Variants in CACNA1C observed in about 807,000 individuals in gnomAD.
The protein encoded by CACNA1C is calcium voltage-gated channel subunit alpha1 C.
CACNA1C carries 30 observed loss-of-function variants against 229.0 expected under a neutral mutation model. That is an observed-to-expected ratio of 0.13 (90% confidence interval 0.10 to 0.18). The LOEUF (loss-of-function observed/expected upper bound fraction) is 0.18. CACNA1C is among the 10% of genes least tolerant of loss of function. CACNA1C has a pLI of 1.00. For missense variants in CACNA1C, 1,658 were observed against 2,845.0 expected (o/e 0.58, Z 9.49); for synonymous variants, 1,114 against 1,132.5 (o/e 0.98, Z 0.33).
chr12:2,543,729 C>T (rs568425243), intron 9 of CACNA1C, among the ~76,000 whole-genome samples: 1 of 152,314 alleles, frequency 6.6e-6, no homozygotes, highest in Non-Finnish European at 1.5e-5. Context: ...TTTAGTTGCT[C>T]TTCAGATCAT....
intron 34 of CACNA1C, among the ~76,000 whole-genome samples, chr12:2,656,196 A>G (rs1276153888): frequency 6.6e-6 from 1 of 152,238 alleles, no homozygotes; most frequent in Non-Finnish European, 1.5e-5. Context: ...AGAAAATCCT[A>G]AAGACCACCA....
rs559307839 is a variant in CACNA1C, at chr12:2,164,542, C to G, written c.477+44112C>G. 1.6e-3 allele frequency among the ~76,000 whole-genome samples: 242 copies of G among 152,350 alleles called. 2 individuals are homozygous for G. Among genetic ancestry groups the G allele is most frequent in the Middle Eastern group, 0.014 (4 of 294 alleles). ...GCCTTTACCTGTCTCTCTCTGCTCC[C>G]CATATTGCAGCCTGGTAAGCTGTTG... On this transcript the variant is annotated intron_variant, in intron 3 of 46. Coordinates refer to ENST00000399655, the MANE Select transcript of CACNA1C (RefSeq NM_000719.7).
chr12:2,075,347 T>G (rs1477494631), intron 1 of CACNA1C, among the ~76,000 whole-genome samples: 1 of 152,214 alleles, frequency 6.6e-6, no homozygotes, highest in Admixed American at 6.5e-5. Flanking sequence ...CTATCTTGTT[T>G]AATCTTCCCC....
chr12:2,060,752 C>T (rs901150489), intron 1 of CACNA1C, among the ~76,000 whole-genome samples: 11 of 152,218 alleles, frequency 7.2e-5, no homozygotes, highest in African/African-American at 2.7e-4. Context: ...CACTCGGCTA[C>T]ACTTGGTGTT....
At chr12:2,211,822 G>T (rs1327338925) in intron 3 of CACNA1C, among the ~76,000 whole-genome samples, 2 of 149,810 alleles carry the variant, frequency 1.3e-5, no homozygotes, top group Admixed American at 6.7e-5. Context: ...AGGTTCAAGC[G>T]ATTCTCCTGC....
At chr12:2,288,371 A>G (rs1278162928) in intron 3 of CACNA1C, among the ~76,000 whole-genome samples, 4 of 152,116 alleles carry the variant, frequency 2.6e-5, no homozygotes, top group Non-Finnish European at 4.4e-5. Flanking sequence ...TCAGGAACCA[A>G]TCAACCAGCT....
chr12:2,621,076 G>A (rs2082975371), intron 29 of CACNA1C, among the ~76,000 whole-genome samples: 1 of 152,188 alleles, frequency 6.6e-6, no homozygotes, highest in African/African-American at 2.4e-5. Context: ...GCACCCCTCT[G>A]TAACTTCCAC....
intron 1 of CACNA1C, among the ~76,000 whole-genome samples, chr12:2,102,091 G>A (rs2076641948): frequency 6.6e-6 from 1 of 152,174 alleles, no homozygotes. Flanking sequence ...TGCTTCCTGG[G>A]ACTTCCCTCC....
chr12:2,557,558 G>A (rs1027109962), intron 11 of CACNA1C, among the ~76,000 whole-genome samples: 7 of 152,272 alleles, frequency 4.6e-5, no homozygotes, highest in African/African-American at 1.7e-4. Flanking sequence ...GCACACTGAG[G>A]CCCCTGCATG....
chr12:2,337,264 A>G (rs1360150885), intron 3 of CACNA1C, among the ~76,000 whole-genome samples: 1 of 152,236 alleles, frequency 6.6e-6, no homozygotes, highest in Non-Finnish European at 1.5e-5. Context: ...GTGAGCATTC[A>G]GGGTAAACCT....
chr12:2,182,784 G>A (rs984016750), intron 3 of CACNA1C, among the ~76,000 whole-genome samples: 8 of 152,128 alleles, frequency 5.3e-5, no homozygotes, highest in South Asian at 4.1e-4. Flanking sequence ...CTGTGATGAC[G>A]GCCATCCTGA....
intron 6 of CACNA1C, among the ~76,000 whole-genome samples, chr12:2,492,460 C>A (rs2099737578): frequency 6.6e-6 from 1 of 152,202 alleles, no homozygotes; most frequent in African/African-American, 2.4e-5. Context: ...TGCTGCAGAG[C>A]AAAGGGCAGA....
At chr12:2,550,055 A>G in intron 10 of CACNA1C, 22 bp downstream of exon 10, 1 of 1,531,844 alleles carries the variant, frequency 6.5e-7, no homozygotes, top group Admixed American at 1.8e-5. Flanking sequence ...CGGCGAGCCC[A>G]GGGGCTGGGG....
At chr12:2,470,991 CT>C (rs1408375349) in intron 5 of CACNA1C, among the ~76,000 whole-genome samples, 3 of 152,174 alleles carry the variant, frequency 2.0e-5, no homozygotes, top group Non-Finnish European at 2.9e-5. Flanking sequence ...GCCACCACGC[CT>C]GGCTAATTTT....
chr12:2,581,482 T>C lies in CACNA1C; in HGVS notation c.1896-108T>C. ...CCCCCACGGGCAGGGAAAAAGAGCATAGAGTGGCAGCTCCTCTGAGAACCT... is the reference window on the plus strand; with the variant it reads ...CCCCCACGGGCAGGGAAAAAGAGCACAGAGTGGCAGCTCCTCTGAGAACCT... On this transcript the variant is annotated intron_variant, in intron 13 of 46. Transcript: ENST00000399655. The C allele has an allele frequency of 3.9e-6, 4 of 1,013,714 alleles. No individual in the cohort carries two copies. The South Asian group carries it at 5.4e-5, about 14-fold the overall frequency. The allele number at this position is 1,013,714 out of a possible 1,614,324, so 62.8% of individuals were successfully genotyped here.
intron 3 of CACNA1C, among the ~76,000 whole-genome samples, chr12:2,163,445 T>G (rs1178346536): frequency 6.6e-6 from 1 of 152,130 alleles, no homozygotes; most frequent in East Asian, 1.9e-4. Flanking sequence ...GCTCCTTTTT[T>G]TTTTCTGTCA....
rs532590160 is a variant in CACNA1C, at chr12:2,323,968, G to T, written c.478-125008G>T. On this transcript the variant is annotated intron_variant, in intron 3 of 46. Transcript: ENST00000399655. Reference sequence around the variant, plus strand: ...AGGGCATGGAGAAGATGAAATCTGAGTCCTTCCATTCCAGTTCTCCATCGC... The same window carrying T: ...AGGGCATGGAGAAGATGAAATCTGATTCCTTCCATTCCAGTTCTCCATCGC... 6.6e-5 allele frequency among the ~76,000 whole-genome samples: 10 copies of T among 152,328 alleles called. No homozygotes were observed. In the East Asian group the frequency reaches 1.4e-3, roughly 21 times the overall value.
intron 1 of CACNA1C, among the ~76,000 whole-genome samples, chr12:2,100,905 G>T (rs2076146846): frequency 6.6e-6 from 1 of 151,268 alleles, no homozygotes; most frequent in Non-Finnish European, 1.5e-5. Flanking sequence ...AAAATCTGAG[G>T]TAGGAGGATC....
intron 3 of CACNA1C, among the ~76,000 whole-genome samples, chr12:2,272,672 C>G (rs893704556): frequency 4.6e-5 from 7 of 152,156 alleles, no homozygotes; most frequent in Admixed American, 3.9e-4. Context: ...CTTTGTTGTT[C>G]TTCTCACCCC....
Sources: gnomAD v4.1 joint callset for allele counts (sites outside exome capture counted in the v4.1 genomes callset) on GRCh38, gnomAD v4.1.1 for gene constraint, MANE v1.5 for transcripts, NCBI Gene and HGNC (gene_info 2026-07-23, HGNC 2026-07-21) for gene names.